ILRUN: variants seen among roughly 807,000 people sequenced by gnomAD.
ILRUN encodes the protein protein ILRUN.
In ILRUN, 3 loss-of-function variants were observed where a neutral mutation model predicts 33.8. That is an observed-to-expected ratio of 0.09 (90% CI 0.04 to 0.23). The LOEUF (loss-of-function observed/expected upper bound fraction) is 0.23. Ranked by LOEUF, ILRUN falls within the 10% of genes least tolerant of loss-of-function variation. The pLI is 1.00. For synonymous variants in ILRUN, 124 were observed against 138.9 expected (o/e 0.89, Z 0.75); for missense variants, 210 against 375.1 (o/e 0.56, Z 3.64).
intron 3 of ILRUN, among the ~76,000 whole-genome samples, chr6:34,623,078 G>A (rs1762041492): frequency 6.6e-6 from 1 of 152,180 alleles, no homozygotes; most frequent in South Asian, 2.1e-4. Flanking sequence ...GGTTTCCAAT[G>A]GCTGGGGTGA....
intron 3 of ILRUN, among the ~76,000 whole-genome samples, chr6:34,644,567 A>G (rs905336279): frequency 3.9e-5 from 6 of 152,248 alleles, no homozygotes; most frequent in Non-Finnish European, 7.3e-5. Flanking sequence ...GGAGTCCTAC[A>G]GGGAAGAGAC....
chr6:34,641,252 A>G (rs1762470764), intron 3 of ILRUN, among the ~76,000 whole-genome samples: 1 of 152,194 alleles, frequency 6.6e-6, no homozygotes, highest in Non-Finnish European at 1.5e-5. Context: ...CTTAGCCACT[A>G]TATTACACTC....
intron 3 of ILRUN, among the ~76,000 whole-genome samples, chr6:34,609,502 TG>T (rs1761700940): frequency 6.9e-6 from 1 of 145,682 alleles, no homozygotes; most frequent in Non-Finnish European, 1.5e-5. Flanking sequence ...AAAAAAAAGG[TG>T]GGGTGGAATC....
At chr6:34,675,993 T>A (rs1255436654) in intron 1 of ILRUN, among the ~76,000 whole-genome samples, 1 of 152,126 alleles carries the variant, frequency 6.6e-6, no homozygotes, top group Non-Finnish European at 1.5e-5. Context: ...AACAAAGTAG[T>A]GGTTAAATAA....
rs191163749 is a variant in ILRUN at position 34,681,261 on chromosome 6, A to T, written c.158+15185T>A. On this transcript the variant is annotated intron_variant, in intron 1 of 4. Coordinates refer to ENST00000374023, the MANE Select transcript of ILRUN (RefSeq NM_024294.4). ...ACAGACCTCAGGCTCAAAACACACT[A>T]AAAAAAGCACAACTATTCATTTTAA... Among the ~76,000 whole-genome samples the T allele has an allele frequency of 4.0e-3, 614 of 152,160 alleles. 4 individuals are homozygous for T. Among genetic ancestry groups the T allele is most frequent in the African/African-American group, 0.014 (566 of 41,514 alleles).
chr6:34,614,545 A>T (rs941921184), intron 3 of ILRUN, among the ~76,000 whole-genome samples: 1 of 148,716 alleles, frequency 6.7e-6, no homozygotes, highest in Non-Finnish European at 1.5e-5. Flanking sequence ...TGCTATACAT[A>T]TAAGTGGGAG....
In ILRUN at chr6:34,588,073, A is replaced by T; in HGVS notation, c.*2492T>A. ...CTAGGCATTGCTCTGAACCCATACC[A>T]GTGAGGGGAGAGAGAATGAATGATA... is the stretch of plus-strand genomic sequence containing the variant. On this transcript the variant is annotated 3_prime_UTR_variant, in exon 5 of 5. Transcript: ENST00000374023. 2 of 398,744 alleles carry T rather than the reference A, an allele frequency of 5.0e-6. No individual in the cohort carries two copies. Among genetic ancestry groups the T allele is most frequent in the Non-Finnish European group, 8.8e-6 (2 of 226,140 alleles). 24.7% of individuals were successfully genotyped at this position (398,744 alleles called of 1,614,324 possible).
At chr6:34,666,913 T>C (rs535534836) in intron 1 of ILRUN, among the ~76,000 whole-genome samples, 1 of 152,350 alleles carries the variant, frequency 6.6e-6, no homozygotes, top group East Asian at 1.9e-4. Context: ...AACTATGGCA[T>C]TTCTTATGCA....
chr6:34,665,210 C>T (rs1468871707), intron 1 of ILRUN, among the ~76,000 whole-genome samples: 1 of 147,884 alleles, frequency 6.8e-6, no homozygotes, highest in Non-Finnish European at 1.5e-5. Context: ...AATCCCAGCA[C>T]TCTGGGAGGC....
At position 34,679,694 on chromosome 6, in the gene ILRUN, G is replaced by T. The variant is rs146359523; in HGVS notation, c.158+16752C>A. Among the ~76,000 whole-genome samples, 497 of 152,296 alleles carry T rather than the reference G, an allele frequency of 3.3e-3. 3 individuals are homozygous for T. The highest frequency in any genetic ancestry group is 4.9e-3 in the Non-Finnish European group (334 of 68,024). On this transcript the variant is annotated intron_variant, in intron 1 of 4. Transcript: ENST00000374023. ...TCACGTCCATCCAGAACCTCAGAAT[G>T]CAACCTTATTTGGAAATAGGGTCTT...
chr6:34,616,753 C>T (rs1761900217), intron 3 of ILRUN: 3 of 710,132 alleles, frequency 4.2e-6, no homozygotes, highest in Non-Finnish European at 7.6e-6. Flanking sequence ...AAACTAGCAA[C>T]TTCTATGTAC....
At chr6:34,599,778 T>C (rs1761471245) in intron 4 of ILRUN, among the ~76,000 whole-genome samples, 1 of 152,210 alleles carries the variant, frequency 6.6e-6, no homozygotes, top group South Asian at 2.1e-4. Flanking sequence ...ATTTAGATGT[T>C]TATATAAATA....
chr6:34,693,626 A>C (rs1041802193), intron 1 of ILRUN, among the ~76,000 whole-genome samples: 1 of 151,844 alleles, frequency 6.6e-6, no homozygotes, highest in African/African-American at 2.4e-5. Context: ...GGCTTTGAGC[A>C]TAAGTTTTTT....
chr6:34,695,238 T>C (rs1763738031), intron 1 of ILRUN, among the ~76,000 whole-genome samples: 1 of 152,150 alleles, frequency 6.6e-6, no homozygotes. Context: ...AGGTTGGTTG[T>C]GCAAGTGATG....
intron 2 of ILRUN, among the ~76,000 whole-genome samples, chr6:34,649,978 C>A (rs972074872): frequency 3.3e-5 from 5 of 152,200 alleles, no homozygotes; most frequent in African/African-American, 4.8e-5. Flanking sequence ...CTTTTCCCAT[C>A]CCTTTATATT....
chr6:34,660,108 C>T (rs2127369866), intron 1 of ILRUN, among the ~76,000 whole-genome samples: 1 of 150,890 alleles, frequency 6.6e-6, no homozygotes, highest in African/African-American at 2.4e-5. Context: ...TTGAGACTAG[C>T]CTAGGTAACA....
At chr6:34,673,093 C>T (rs13207858) in intron 1 of ILRUN, among the ~76,000 whole-genome samples, 4,882 of 152,214 alleles carry the variant, frequency 0.032, 127 homozygotes, top group Middle Eastern at 0.065. Context: ...ATATTCTCAA[C>T]CTTAAAAAAC....
chr6:34,607,307 G>A (rs924688028), intron 3 of ILRUN, among the ~76,000 whole-genome samples: 12 of 152,130 alleles, frequency 7.9e-5, no homozygotes, highest in African/African-American at 2.9e-4. Context: ...ACAATTATGA[G>A]AATTACAACT....
At chr6:34,617,812 C>A (rs190694021) in intron 3 of ILRUN, among the ~76,000 whole-genome samples, 110 of 152,220 alleles carry the variant, frequency 7.2e-4, no homozygotes, top group African/African-American at 2.6e-3. Flanking sequence ...AATGCAAATG[C>A]CCCTCAAAAA....
Sources: allele counts gnomAD v4.1 joint callset (sites outside exome capture counted in the v4.1 genomes callset), GRCh38; gene constraint gnomAD v4.1.1; transcripts MANE v1.5; gene names NCBI Gene and HGNC (gene_info 2026-07-23, HGNC 2026-07-21).